Variants in COG6 observed in about 807,000 individuals in gnomAD.
COG6 encodes component of oligomeric golgi complex 6.
A neutral mutation model predicts 88.8 loss-of-function variants in COG6; 74 were observed. That is an observed-to-expected ratio of 0.83 (90% CI 0.69 to 1.01). COG6 has a LOEUF of 1.01. COG6 is among the 50% of genes least tolerant of loss of function. The pLI, the probability that COG6 is intolerant of heterozygous loss-of-function variation, is 0.00. For synonymous variants in COG6, 286 were observed against 278.7 expected (o/e 1.03, Z -0.26); for missense variants, 800 against 797.9 (o/e 1.00, Z -0.03).
At chr13:39,775,553 C>T (rs755998325) in intron 18 of COG6, among the ~76,000 whole-genome samples, 1 of 152,150 alleles carries the variant, frequency 6.6e-6, no homozygotes, top group Non-Finnish European at 1.5e-5. Flanking sequence ...TTCCTCATCA[C>T]TAAAACTGAG....
At chr13:39,724,691 A>G (rs1295598072) in intron 17 of COG6, 130 bp downstream of exon 17, 1 of 729,168 alleles carries the variant, frequency 1.4e-6, no homozygotes, top group Non-Finnish European at 2.4e-6. Context: ...CGTTGGGTCC[A>G]ATAATAATGA....
chr13:39,659,618 C>A, intron 2 of COG6, 111 bp downstream of exon 2: 1 of 840,878 alleles, frequency 1.2e-6, no homozygotes, highest in Non-Finnish European at 1.9e-6. Flanking sequence ...GTATACTATG[C>A]CCAAATAGAA....
At chr13:39,679,792 G>A in intron 6 of COG6, 172 bp downstream of exon 6, 1 of 688,096 alleles carries the variant, frequency 1.5e-6, no homozygotes, top group Non-Finnish European at 2.6e-6. Flanking sequence ...TAAAACAGCA[G>A]TTGATAAATA....
intron 18 of COG6, among the ~76,000 whole-genome samples, chr13:39,729,236 C>T (rs530255768): frequency 3.3e-5 from 5 of 152,230 alleles, no homozygotes; most frequent in South Asian, 2.1e-4. Flanking sequence ...CTGTGAACTG[C>T]GCCTGGAAGG....
intron 13 of COG6, among the ~76,000 whole-genome samples, chr13:39,714,961 G>T (rs1373273819): frequency 1.3e-5 from 2 of 152,116 alleles, no homozygotes; most frequent in Non-Finnish European, 2.9e-5. Flanking sequence ...GGAATAGGAA[G>T]CCAAAAACTG....
chr13:39,788,090 G>C (rs981578163), intron 18 of COG6, among the ~76,000 whole-genome samples: 1 of 152,158 alleles, frequency 6.6e-6, no homozygotes, highest in Non-Finnish European at 1.5e-5. Flanking sequence ...GAATTTTCTC[G>C]AAATGCCATG....
intron 2 of COG6, 134 bp from the exon 3 acceptor site, chr13:39,660,675 TA>T (rs1874838881): frequency 1.5e-6 from 1 of 649,030 alleles, no homozygotes. Context: ...TTTCCAATTT[TA>T]AATATGGGAT....
intron 1 of COG6, chr13:39,656,106 C>T: frequency 1.5e-6 from 1 of 680,782 alleles, no homozygotes; most frequent in South Asian, 1.5e-5. Context: ...GTGTTCTCTC[C>T]ACCTGAAAAG....
intron 17 of COG6, 106 bp from the exon 18 acceptor site, chr13:39,727,363 A>G (rs894300709): frequency 1.2e-6 from 1 of 834,826 alleles, no homozygotes; most frequent in African/African-American, 1.7e-5. Context: ...TATTTAGAGT[A>G]TGGAATTTTT....
At chr13:39,723,552 G>T (rs1878968399) in intron 16 of COG6, 112 bp downstream of exon 16, 3 of 692,376 alleles carry the variant, frequency 4.3e-6, no homozygotes, top group Non-Finnish European at 7.9e-6. Flanking sequence ...GTGTTCTCCT[G>T]GGAAAGTGAC....
intron 13 of COG6, among the ~76,000 whole-genome samples, chr13:39,704,032 C>T (rs1877739334): frequency 6.6e-6 from 1 of 152,076 alleles, no homozygotes. Context: ...TCACACCTGG[C>T]CCTAGCCCTG....
chr13:39,691,432 G>A (rs1176273040), intron 11 of COG6, among the ~76,000 whole-genome samples: 1 of 151,822 alleles, frequency 6.6e-6, no homozygotes, highest in Non-Finnish European at 1.5e-5. Context: ...AGATGCCAAA[G>A]GTAAAGAAGA....
intron 14 of COG6, 40 bp downstream of exon 14, chr13:39,719,407 T>TTC (rs1291598970): frequency 1.3e-6 from 2 of 1,591,746 alleles, no homozygotes; most frequent in Non-Finnish European, 1.7e-6. Context: ...TTTTTTGCTC[T>TTC]TCTATTGTAC....
intron 4 of COG6, among the ~76,000 whole-genome samples, chr13:39,667,956 TTAACGA>T (rs531443575): frequency 2.4e-4 from 36 of 152,336 alleles, no homozygotes; most frequent in Admixed American, 4.6e-4. Flanking sequence ...AAATTTTGAC[TTAACGA>T]TAAGCAAGAA....
At position 39,704,697 on chromosome 13, in the gene COG6, C is replaced by T. The variant is rs1308425424; in HGVS notation, c.1284+5079C>T. On this transcript the variant is annotated intron_variant, in intron 13 of 18. Transcript: ENST00000455146. ...AAAGGCAACTGAAGGATGACATCTT[C>T]CAATTAAAACTTTGAACAGAATAGG... 4.0e-5 allele frequency among the ~76,000 whole-genome samples: 6 copies of T among 151,892 alleles called. No homozygotes were observed. The East Asian group carries it at 1.2e-3, about 29-fold the overall frequency.
intron 4 of COG6, among the ~76,000 whole-genome samples, chr13:39,668,624 T>A (rs1250768414): frequency 6.6e-6 from 1 of 151,532 alleles, no homozygotes; most frequent in Non-Finnish European, 1.5e-5. Context: ...CCATCTCTAT[T>A]AAAAATACAA....
chr13:39,782,908 G>A (rs1881672082), intron 18 of COG6, among the ~76,000 whole-genome samples: 1 of 152,172 alleles, frequency 6.6e-6, no homozygotes, highest in Non-Finnish European at 1.5e-5. Context: ...TGTGATTCTT[G>A]AGGGAGCTTC....
At chr13:39,703,402 T>C (rs1168199806) in intron 13 of COG6, among the ~76,000 whole-genome samples, 2 of 152,172 alleles carry the variant, frequency 1.3e-5, no homozygotes, top group African/African-American at 4.8e-5. Context: ...CTTGTTCAAG[T>C]CCTTTGCCAT....
chr13:39,656,757 A>G, intron 1 of COG6: 1 of 449,144 alleles, frequency 2.2e-6, no homozygotes, highest in Non-Finnish European at 4.5e-6. Context: ...ACCACTTATT[A>G]GATAGAACCA....
Sources: gnomAD v4.1 joint callset for allele counts (sites outside exome capture counted in the v4.1 genomes callset) on GRCh38, gnomAD v4.1.1 for gene constraint, MANE v1.5 for transcripts, NCBI Gene and HGNC (gene_info 2026-07-23, HGNC 2026-07-21) for gene names.